The following PRKN variants were observed in gnomAD, a reference collection of about 807,000 sequenced individuals.
PRKN encodes parkin RBR E3 ubiquitin protein ligase.
PRKN carries 56 observed loss-of-function variants against 59.5 expected under a neutral mutation model. The ratio of observed to expected loss-of-function variants is 0.94; its 90% CI spans 0.76 to 1.18. The LOEUF (loss-of-function observed/expected upper bound fraction) is 1.18. PRKN is among the 50% of genes most tolerant of loss of function. The probability of loss-of-function intolerance (pLI) is 0.00; values close to 1 mark genes in which losing one functional copy is unlikely to be tolerated. For synonymous variants in PRKN, 250 were observed against 222.1 expected, an observed-to-expected ratio of 1.13 and a Z score of -1.12; for missense variants, 657 against 596.4, an observed-to-expected ratio of 1.10 and a Z score of -1.06.
chr6:162,290,878 A>G (rs1781399025), intron 2 of PRKN, among the ~76,000 whole-genome samples: 1 of 152,186 alleles, frequency 6.6e-6, no homozygotes, highest in Non-Finnish European at 1.5e-5. Flanking sequence ...AAGGGATAGG[A>G]TAACTCTAAA....
chr6:162,379,496 C>A (rs1786310385), intron 2 of PRKN, among the ~76,000 whole-genome samples: 1 of 152,176 alleles, frequency 6.6e-6, no homozygotes, highest in African/African-American at 2.4e-5. Flanking sequence ...ACTAACTCAA[C>A]TATCTTACTA....
intron 6 of PRKN, among the ~76,000 whole-genome samples, chr6:161,901,217 T>C (rs565409146): frequency 6.6e-6 from 1 of 152,090 alleles, no homozygotes; most frequent in Non-Finnish European, 1.5e-5. Flanking sequence ...ATTACAGGTG[T>C]GAGCCACCGC....
chr6:162,254,283 C>T (rs1434183094), intron 3 of PRKN, among the ~76,000 whole-genome samples: 1 of 151,770 alleles, frequency 6.6e-6, no homozygotes, highest in African/African-American at 2.4e-5. Flanking sequence ...ATGGTAAAAC[C>T]CTGTCTCTAT....
Position 161,549,874 on chromosome 6 carries a change from C to T in PRKN, c.934-871G>A, listed in dbSNP as rs994780817. Among the ~76,000 whole-genome samples, 5 of 152,150 alleles carry T rather than the reference C, an allele frequency of 3.3e-5. No homozygotes were observed. The highest frequency in any genetic ancestry group is 4.8e-5 in the African/African-American group (2 of 41,420). On this transcript the variant is annotated intron_variant, in intron 8 of 11. Coordinates refer to ENST00000366898, the MANE Select transcript of PRKN (RefSeq NM_004562.3). The surrounding 1 kb of genome is among the most constrained non-coding windows in gnomAD (Gnocchi z 6.0). ...ACAGCAGTGAATGAACAAACTTCTCCGCCTTCATCCACAGCACTGTAACAG... is the reference window on the plus strand; with the variant it reads ...ACAGCAGTGAATGAACAAACTTCTCTGCCTTCATCCACAGCACTGTAACAG...
intron 7 of PRKN, among the ~76,000 whole-genome samples, chr6:161,587,587 T>A (rs1781564208): frequency 6.6e-6 from 1 of 152,168 alleles, no homozygotes; most frequent in African/African-American, 2.4e-5. Context: ...GTTTGATCAT[T>A]CTTATGGTAA....
intron 1 of PRKN, among the ~76,000 whole-genome samples, chr6:162,622,376 G>GT (rs1562445208): frequency 1.3e-5 from 2 of 151,416 alleles, no homozygotes; most frequent in East Asian, 3.9e-4. Flanking sequence ...TAGAGACGGG[G>GT]TTTTGCAATG....
intron 4 of PRKN, among the ~76,000 whole-genome samples, chr6:162,152,911 C>T (rs1782333971): frequency 6.6e-6 from 1 of 152,176 alleles, no homozygotes; most frequent in Non-Finnish European, 1.5e-5. Flanking sequence ...AAATGCACTG[C>T]TTTAATTTGT....
At chr6:162,089,704 C>A (rs1430857015) in intron 4 of PRKN, among the ~76,000 whole-genome samples, 1 of 152,006 alleles carries the variant, frequency 6.6e-6, no homozygotes, top group Non-Finnish European at 1.5e-5. Flanking sequence ...TATTATTTGG[C>A]AATAAAAAGG....
rs781608450 is a variant in PRKN, at chr6:162,031,678, G to A, written c.618+22413C>T. Among the ~76,000 whole-genome samples the A allele has an allele frequency of 1.4e-4, 21 of 151,832 alleles. No individual in the cohort carries two copies. In the South Asian group the frequency reaches 1.7e-3, roughly 12 times the overall value. On this transcript the variant is annotated intron_variant, in intron 5 of 11. Coordinates refer to ENST00000366898, the MANE Select transcript of PRKN (RefSeq NM_004562.3). ...CCTGAGTAGCTGGGATTCCAGGCAC[G>A]TGCCACCATGCCCAACTAATTTTGT...
intron 1 of PRKN, among the ~76,000 whole-genome samples, chr6:162,684,550 C>A (rs545300444): frequency 3.3e-5 from 5 of 152,096 alleles, no homozygotes; most frequent in Non-Finnish European, 7.4e-5. Context: ...CTCAGGAAAA[C>A]AAGCTGAGTA....
intron 3 of PRKN, among the ~76,000 whole-genome samples, chr6:162,230,022 T>C (rs977514073): frequency 1.3e-5 from 2 of 152,212 alleles, no homozygotes; most frequent in African/African-American, 4.8e-5. Flanking sequence ...CTTTCCTTTA[T>C]TGAAGGAAAC....
At chr6:161,837,724 T>G (rs1424288102) in intron 6 of PRKN, among the ~76,000 whole-genome samples, 1 of 152,168 alleles carries the variant, frequency 6.6e-6, no homozygotes, top group Admixed American at 6.6e-5. Flanking sequence ...AACAAAATGC[T>G]TGGAAAAGCC....
Position 161,488,369 on chromosome 6 carries a change from T to G in PRKN, c.1083+60485A>C, listed in dbSNP as rs1777414440. 6.6e-6 allele frequency among the ~76,000 whole-genome samples: 1 copy of G among 152,200 alleles called. No homozygotes were observed. The highest frequency in any genetic ancestry group is 2.1e-4 in the South Asian group (1 of 4,830). On this transcript the variant is annotated intron_variant, in intron 9 of 11. Coordinates refer to ENST00000366898, the MANE Select transcript of PRKN (RefSeq NM_004562.3). The surrounding 1 kb of genome is among the most constrained non-coding windows in gnomAD (Gnocchi z 4.5). ...TTTGTAGTGTGAGAAGAACTCCAAATTTTATTCTCCGGAGTGGAGCTGCTT... is the reference window on the plus strand; with the variant it reads ...TTTGTAGTGTGAGAAGAACTCCAAAGTTTATTCTCCGGAGTGGAGCTGCTT...
At chr6:161,380,780 A>G (rs1262607800) in intron 10 of PRKN, among the ~76,000 whole-genome samples, 1 of 152,208 alleles carries the variant, frequency 6.6e-6, no homozygotes, top group Non-Finnish European at 1.5e-5. Flanking sequence ...AACATTTAAA[A>G]ATAAAGATAT....
intron 7 of PRKN, among the ~76,000 whole-genome samples, chr6:161,610,621 T>G (rs181440381): frequency 1.1e-4 from 17 of 151,906 alleles, no homozygotes; most frequent in African/African-American, 4.1e-4. Context: ...CAACCCAGGA[T>G]GTTGTGTTGC....
chr6:162,246,938 T>C (rs1306098767), intron 3 of PRKN, among the ~76,000 whole-genome samples: 1 of 152,156 alleles, frequency 6.6e-6, no homozygotes, highest in African/African-American at 2.4e-5. Context: ...GCTAGGTAAT[T>C]TGTATTAAGG....
At chr6:162,306,904 T>C (rs1782253546) in intron 2 of PRKN, among the ~76,000 whole-genome samples, 1 of 152,180 alleles carries the variant, frequency 6.6e-6, no homozygotes, top group Admixed American at 6.5e-5. Context: ...CGATCACCAG[T>C]GTGTCCAGGT....
At chr6:161,382,514 C>T (rs1251726589) in intron 10 of PRKN, among the ~76,000 whole-genome samples, 2 of 152,198 alleles carry the variant, frequency 1.3e-5, no homozygotes, top group African/African-American at 4.8e-5. Context: ...GGGAGAGGAA[C>T]ATCAACTACC....
At chr6:162,308,843 A>C (rs1205263274) in intron 2 of PRKN, among the ~76,000 whole-genome samples, 1 of 152,096 alleles carries the variant, frequency 6.6e-6, no homozygotes, top group African/African-American at 2.4e-5. Context: ...ACTTATGTAC[A>C]TGAGAAAAAC....
Sources: allele counts gnomAD v4.1 joint callset (sites outside exome capture counted in the v4.1 genomes callset), GRCh38; gene constraint gnomAD v4.1.1; non-coding constraint Gnocchi (gnomAD v3.1); transcripts MANE v1.5; gene names NCBI Gene and HGNC (gene_info 2026-07-23, HGNC 2026-07-21).